PALM2AKAP2: variants seen among roughly 807,000 people sequenced by gnomAD.
The protein encoded by PALM2AKAP2 is PALM2 and AKAP2 fusion, also known as PALM2-AKAP2 fusion protein.
A neutral mutation model predicts 71.5 loss-of-function variants in PALM2AKAP2; 37 were observed. The ratio of observed to expected loss-of-function variants is 0.52; its 90% confidence interval spans 0.40 to 0.68. The LOEUF (loss-of-function observed/expected upper bound fraction) is 0.68, where lower values mean the gene tolerates loss of function less well. PALM2AKAP2 is among the 30% of genes least tolerant of loss of function. PALM2AKAP2 has a pLI of 0.00. For missense variants in PALM2AKAP2, 1,224 were observed against 1,191.8 expected (o/e 1.03, Z -0.40); for synonymous variants, 468 against 478.8 (o/e 0.98, Z 0.29).
At chr9:110,110,542 CTTT>C (rs559402514) in intron 1 of PALM2AKAP2, among the ~76,000 whole-genome samples, 1 of 95,338 alleles carries the variant, frequency 1.0e-5, no homozygotes, top group Non-Finnish European at 2.0e-5. Context: ...TTTCTGAACT[CTTT>C]TTTTTTTTTT....
chr9:109,989,374 G>C (rs1832436476), intron 6 of PALM2AKAP2, among the ~76,000 whole-genome samples: 1 of 152,172 alleles, frequency 6.6e-6, no homozygotes, highest in South Asian at 2.1e-4. Context: ...GGATGGTGCA[G>C]TAATTTCCTC....
intron 6 of PALM2AKAP2, among the ~76,000 whole-genome samples, chr9:109,954,302 C>A (rs1454122398): frequency 6.6e-6 from 1 of 152,146 alleles, no homozygotes; most frequent in African/African-American, 2.4e-5. Flanking sequence ...TGGTGTTATG[C>A]AAATGCCTTT....
intron 1 of PALM2AKAP2, among the ~76,000 whole-genome samples, chr9:109,663,127 T>C (rs1827425728): frequency 6.6e-6 from 1 of 152,204 alleles, no homozygotes; most frequent in Non-Finnish European, 1.5e-5. Context: ...TTGTTGATCT[T>C]TTCAAAAACA....
At chr9:110,035,477 TTG>T (rs942727912) in intron 7 of PALM2AKAP2, among the ~76,000 whole-genome samples, 4 of 144,408 alleles carry the variant, frequency 2.8e-5, no homozygotes, top group South Asian at 2.1e-4. Flanking sequence ...ATATGATATG[TTG>T]TGTGTTATAT....
chr9:109,982,094 A>G (rs1832281723), intron 6 of PALM2AKAP2, among the ~76,000 whole-genome samples: 1 of 152,258 alleles, frequency 6.6e-6, no homozygotes, highest in Non-Finnish European at 1.5e-5. Context: ...TGGTACGTGT[A>G]CACAATGGAG....
chr9:110,103,123 G>T (rs1835039094), intron 1 of PALM2AKAP2, among the ~76,000 whole-genome samples: 1 of 152,230 alleles, frequency 6.6e-6, no homozygotes, highest in East Asian at 1.9e-4. Context: ...ACCTCCCTGA[G>T]TAGCCCAAAC....
At position 110,156,779 on chromosome 9, in the gene PALM2AKAP2, G is replaced by A. The variant is rs915637293; in HGVS notation, c.2748+282G>A. ...GTGTAAGATGTTTGGTGCATAGAAA[G>A]ACAGCATGCAAGGGCCACGCAGGGA... On this transcript the variant is annotated intron_variant, in intron 3 of 3. Transcript: ENST00000374525. Among the ~76,000 whole-genome samples, 11 of 152,314 alleles carry A rather than the reference G, an allele frequency of 7.2e-5. 1 individual carries two copies. The Middle Eastern group carries it at 0.02, about 283-fold the overall frequency.
chr9:109,837,942 A>C lies in PALM2AKAP2; in HGVS notation c.46-29549A>C, dbSNP rs573521693. Among the ~76,000 whole-genome samples the C allele has an allele frequency of 9.2e-5, 14 of 152,266 alleles. No individual in the cohort carries two copies. In the East Asian group the frequency reaches 2.5e-3, roughly 27 times the overall value. ...CACAATAATAATGGGAGACTTTAAC[A>C]CCCCACTATCAACATTAGACAGATA... On this transcript the variant is annotated intron_variant, in intron 1 of 9. Coordinates refer to the PALM2AKAP2 transcript ENST00000302798.
At chr9:109,701,238 A>G (rs1252179226) in intron 1 of PALM2AKAP2, among the ~76,000 whole-genome samples, 3 of 152,184 alleles carry the variant, frequency 2.0e-5, no homozygotes, top group Non-Finnish European at 2.9e-5. Context: ...AATTGGAAAA[A>G]ACTACTTTAA....
intron 1 of PALM2AKAP2, among the ~76,000 whole-genome samples, chr9:109,802,193 A>G (rs1827450646): frequency 6.6e-6 from 1 of 152,224 alleles, no homozygotes; most frequent in Non-Finnish European, 1.5e-5. Context: ...GGCATCTGAA[A>G]TGGGGTTGCT....
intron 1 of PALM2AKAP2, among the ~76,000 whole-genome samples, chr9:109,797,836 C>T (rs967047184): frequency 1.4e-4 from 22 of 152,320 alleles, no homozygotes; most frequent in African/African-American, 5.3e-4. Context: ...GTGGCTTTCA[C>T]CAGGTAAACA....
intron 1 of PALM2AKAP2, among the ~76,000 whole-genome samples, chr9:109,721,794 C>T (rs955141291): frequency 6.6e-6 from 1 of 152,162 alleles, no homozygotes; most frequent in African/African-American, 2.4e-5. Context: ...AAATATGCTC[C>T]ATTATGGCTA....
intron 1 of PALM2AKAP2, chr9:110,048,941 G>A (rs971758858): frequency 5.5e-5 from 77 of 1,398,098 alleles, no homozygotes; most frequent in Non-Finnish European, 6.8e-5. Flanking sequence ...GCCGAGGAAG[G>A]GCTGGAAATC....
intron 1 of PALM2AKAP2, among the ~76,000 whole-genome samples, chr9:110,111,067 TTTC>T (rs1835237624): frequency 6.7e-6 from 1 of 150,244 alleles, no homozygotes; most frequent in Non-Finnish European, 1.5e-5. Context: ...TTTTTCCTTT[TTTC>T]TTTTCTTTCT....
chr9:109,941,703 A>G (rs1339241702), intron 6 of PALM2AKAP2, among the ~76,000 whole-genome samples: 2 of 152,226 alleles, frequency 1.3e-5, no homozygotes, highest in Admixed American at 6.5e-5. Context: ...GTTTGGAAGT[A>G]TGAGGTGTCA....
At chr9:109,792,055 C>G (rs1827124201) in intron 1 of PALM2AKAP2, among the ~76,000 whole-genome samples, 1 of 152,050 alleles carries the variant, frequency 6.6e-6, no homozygotes, top group African/African-American at 2.4e-5. Flanking sequence ...GGAATGGGGG[C>G]TGGGGGGTTG....
intron 1 of PALM2AKAP2, among the ~76,000 whole-genome samples, chr9:109,736,287 GT>G (rs139964779): frequency 0.046 from 7,047 of 152,214 alleles, 256 homozygotes; most frequent in Non-Finnish European, 0.073. Flanking sequence ...CACTATAAAA[GT>G]TTTCTGTAGC....
chr9:110,133,570 C>T (rs1835781865), intron 1 of PALM2AKAP2, among the ~76,000 whole-genome samples: 1 of 152,168 alleles, frequency 6.6e-6, no homozygotes, highest in Admixed American at 6.5e-5. Flanking sequence ...TTCCTCTCCT[C>T]AGGTATTCTA....
At chr9:109,838,589 G>A (rs1423921766) in intron 1 of PALM2AKAP2, among the ~76,000 whole-genome samples, 1 of 152,182 alleles carries the variant, frequency 6.6e-6, no homozygotes, top group Non-Finnish European at 1.5e-5. Context: ...GAATCCAGGA[G>A]CTGGTTTTTT....
Sources: allele counts gnomAD v4.1 joint callset (sites outside exome capture counted in the v4.1 genomes callset), GRCh38; gene constraint gnomAD v4.1.1; transcripts MANE v1.5; gene names NCBI Gene and HGNC (gene_info 2026-07-23, HGNC 2026-07-21).